The following FOXJ3 variants were observed in gnomAD, a reference collection of about 807,000 sequenced individuals.
FOXJ3 encodes the protein forkhead box J3.
A neutral mutation model predicts 76.1 loss-of-function variants in FOXJ3; 22 were observed. The observed-to-expected ratio is 0.29, with a 90% CI of 0.21 to 0.41. FOXJ3 has a LOEUF of 0.41. Among genes scored for constraint, FOXJ3 ranks in the 10% least tolerant of loss-of-function variants. FOXJ3 has a pLI of 1.00. For missense variants in FOXJ3, 613 were observed against 762.1 expected (o/e 0.80, Z 2.30); for synonymous variants, 269 against 261.2 (o/e 1.03, Z -0.29).
At chr1:42,272,419 CTA>C (rs1405207093) in intron 3 of FOXJ3, among the ~76,000 whole-genome samples, 2 of 152,206 alleles carry the variant, frequency 1.3e-5, no homozygotes, top group Admixed American at 6.5e-5. Flanking sequence ...CAAAATATTT[CTA>C]TGTTTATAAA....
At chr1:42,184,877 C>T (rs557748373) in intron 11 of FOXJ3, among the ~76,000 whole-genome samples, 1 of 152,178 alleles carries the variant, frequency 6.6e-6, no homozygotes, top group South Asian at 2.1e-4. Context: ...AGTACAAAGG[C>T]CCTGTTTAGG....
chr1:42,210,095 CCGTGG>C (rs1646937820), intron 5 of FOXJ3, among the ~76,000 whole-genome samples: 2 of 152,192 alleles, frequency 1.3e-5, no homozygotes, highest in Non-Finnish European at 2.9e-5. Flanking sequence ...GTTGCCAAGT[CCGTGG>C]GAGCTGAGTG....
At chr1:42,273,894 T>C (rs1652057763) in intron 3 of FOXJ3, among the ~76,000 whole-genome samples, 1 of 152,166 alleles carries the variant, frequency 6.6e-6, no homozygotes, top group African/African-American at 2.4e-5. Context: ...CTGGAAGATC[T>C]GCCATGTGCC....
At position 42,179,773 on chromosome 1, in the gene FOXJ3, C is replaced by A; in HGVS notation, c.1806G>T (p.Gln602His). ...QQHMMPSQAF[Q>H]MRRSLPPDDI... ...CATCTGGAGGCAGGGAACGCCGCAT[C>A]TGGAAGGCTTGGGAAGGCATCATGT... Residue 602 changes from glutamine to histidine, a missense_variant, in exon 13 of 13, where the codon CAG (glutamine) becomes CAT (histidine). This residue lies in a region of FOXJ3 where 526 missense variants were observed against 601.4 expected (regional missense o/e 0.87). Coordinates refer to ENST00000361346, the MANE Select transcript of FOXJ3 (RefSeq NM_014947.5). 6.2e-7 allele frequency: 1 copy of A among 1,614,100 alleles called. No homozygotes were observed. The highest frequency in any genetic ancestry group is 1.1e-5 in the South Asian group (1 of 91,080).
intron 3 of FOXJ3, among the ~76,000 whole-genome samples, chr1:42,276,036 G>A (rs996235891): frequency 6.6e-6 from 1 of 152,150 alleles, no homozygotes; most frequent in Non-Finnish European, 1.5e-5. Flanking sequence ...AAGGAATTAA[G>A]GAAAAGGGAC....
chr1:42,273,937 C>T (rs1652060628), intron 3 of FOXJ3, among the ~76,000 whole-genome samples: 1 of 152,108 alleles, frequency 6.6e-6, no homozygotes, highest in Non-Finnish European at 1.5e-5. Flanking sequence ...AACATAGTTG[C>T]TCCTTTTACA....
chr1:42,291,083 T>TAGACAGAC (rs71065113), intron 2 of FOXJ3, among the ~76,000 whole-genome samples: 2,244 of 126,466 alleles, frequency 0.018, 83 homozygotes, highest in Middle Eastern at 0.024. Context: ...GATAGATAGA[T>TAGACAGAC]AGACAGACAG....
chr1:42,304,521 A>G (rs996886262), intron 2 of FOXJ3, among the ~76,000 whole-genome samples: 2 of 152,206 alleles, frequency 1.3e-5, no homozygotes, highest in Non-Finnish European at 2.9e-5. Flanking sequence ...AGCTATAGTA[A>G]CCAAAACAGT....
chr1:42,262,644 T>A (rs1280999520), intron 4 of FOXJ3, among the ~76,000 whole-genome samples: 1 of 151,948 alleles, frequency 6.6e-6, no homozygotes, highest in Middle Eastern at 3.2e-3. Flanking sequence ...AGGTCAGGAG[T>A]TTGACACCAG....
chr1:42,300,547 G>A (rs559998239), intron 2 of FOXJ3, among the ~76,000 whole-genome samples: 6 of 152,284 alleles, frequency 3.9e-5, no homozygotes, highest in South Asian at 2.1e-4. Flanking sequence ...AGGCCAAGGC[G>A]GGTGGATCGC....
intron 1 of FOXJ3, among the ~76,000 whole-genome samples, chr1:42,316,191 CAG>C (rs1370313296): frequency 2.0e-5 from 3 of 152,094 alleles, no homozygotes; most frequent in African/African-American, 7.2e-5. Context: ...TTTTAAGAGA[CAG>C]AGTCTTGCTT....
chr1:42,325,843 C>T (rs1036337024), intron 1 of FOXJ3, among the ~76,000 whole-genome samples: 2 of 152,190 alleles, frequency 1.3e-5, no homozygotes, highest in African/African-American at 4.8e-5. Flanking sequence ...AAAACCCAAA[C>T]CACTTAATAC....
chr1:42,324,104 G>GTGTATATATACAGTATATATACACTA (rs776964079), intron 1 of FOXJ3, among the ~76,000 whole-genome samples: 1 of 88,946 alleles, frequency 1.1e-5, no homozygotes, highest in Non-Finnish European at 2.0e-5. Context: ...TATATACTGT[G>GTGTATATATACAGTATATATACACTA]TATATACACT....
intron 2 of FOXJ3, among the ~76,000 whole-genome samples, chr1:42,290,724 A>G (rs1653363207): frequency 6.6e-6 from 1 of 152,126 alleles, no homozygotes. Context: ...GAAGTACAGC[A>G]ATTTCTTCCT....
intron 3 of FOXJ3, among the ~76,000 whole-genome samples, chr1:42,276,382 AAG>A (rs1309424204): frequency 6.6e-6 from 1 of 152,080 alleles, no homozygotes; most frequent in African/African-American, 2.4e-5. Context: ...GGGAAAGGGG[AAG>A]AGAGGGGAGA....
Position 42,278,559 on chromosome 1 carries a change from A to T in FOXJ3, c.158T>A (p.Ile53Asn). The T allele has an allele frequency of 6.2e-7, 1 of 1,614,142 alleles. No homozygotes were observed. The highest frequency in any genetic ancestry group is 8.5e-7 in the Non-Finnish European group (1 of 1,180,024). The change falls in exon 3 of 13, where the codon ATT (isoleucine) becomes AAT (asparagine). Residue 53 changes from isoleucine to asparagine, a missense_variant. Around this residue, in one of 3 missense-constraint regions of FOXJ3, gnomAD observed 77 missense variants for 115.1 expected, o/e 0.67. Coordinates refer to ENST00000361346, the MANE Select transcript of FOXJ3 (RefSeq NM_014947.5). ...GTCAAGGAGTGCATTCTTCTTAGAA[A>T]TTCCTGTTCCATGTGCATTTTGTGT... ...DATQNAHGTGISKKNALLDPN... is the reference protein window; with the variant it reads ...DATQNAHGTGNSKKNALLDPN...
At chr1:42,300,771 C>T (rs1654090651) in intron 2 of FOXJ3, among the ~76,000 whole-genome samples, 1 of 152,122 alleles carries the variant, frequency 6.6e-6, no homozygotes, top group Admixed American at 6.5e-5. Flanking sequence ...GACTGAGACC[C>T]TGTCCAAAAA....
At chr1:42,323,006 A>G (rs1477907453) in intron 1 of FOXJ3, among the ~76,000 whole-genome samples, 4 of 152,156 alleles carry the variant, frequency 2.6e-5, no homozygotes, top group Non-Finnish European at 5.9e-5. Context: ...TGAACACCAC[A>G]TTTTAAGAAC....
At chr1:42,204,665 T>C (rs886395740) in intron 6 of FOXJ3, among the ~76,000 whole-genome samples, 17 of 152,070 alleles carry the variant, frequency 1.1e-4, no homozygotes, top group African/African-American at 3.4e-4. Context: ...TTTGGCAGAA[T>C]TGCAATGGAA....
Sources: gnomAD v4.1 joint callset for allele counts (sites outside exome capture counted in the v4.1 genomes callset) on GRCh38, gnomAD v4.1.1 for gene constraint, gnomAD v4.1.1 regional missense constraint, MANE v1.5 for transcripts, NCBI Gene and HGNC (gene_info 2026-07-23, HGNC 2026-07-21) for gene names.